The following CTNNA3 variants were observed in gnomAD, a reference collection of about 807,000 sequenced individuals.
CTNNA3 encodes catenin alpha-3.
Under a neutral mutation model 95.7 loss-of-function variants are expected in CTNNA3, and 76 were observed. The ratio of observed to expected loss-of-function variants is 0.79; its 90% CI spans 0.66 to 0.96. The LOEUF (loss-of-function observed/expected upper bound fraction) is 0.96. Ranked by LOEUF, CTNNA3 falls within the 40% of genes least tolerant of loss-of-function variation. The pLI is 0.00. For synonymous variants in CTNNA3, 431 were observed against 374.4 expected, an observed-to-expected ratio of 1.15 and a Z score of -1.74; for missense variants, 1,191 against 1,089.8, an observed-to-expected ratio of 1.09 and a Z score of -1.31.
chr10:66,954,323 A>T (rs1249670371), intron 7 of CTNNA3, among the ~76,000 whole-genome samples: 1 of 152,148 alleles, frequency 6.6e-6, no homozygotes, highest in Non-Finnish European at 1.5e-5. Flanking sequence ...GTGTCTAGTT[A>T]AACTAATTTA....
chr10:67,135,107 T>A (rs1731596878), intron 7 of CTNNA3, among the ~76,000 whole-genome samples: 1 of 151,998 alleles, frequency 6.6e-6, no homozygotes, highest in African/African-American at 2.4e-5. Flanking sequence ...GGTTGGGAGA[T>A]GAAAAACAAA....
intron 11 of CTNNA3, among the ~76,000 whole-genome samples, chr10:66,504,892 A>T (rs1840398470): frequency 6.6e-6 from 1 of 152,168 alleles, no homozygotes; most frequent in Admixed American, 6.5e-5. Context: ...TAAACAGTAT[A>T]TTTTATCATT....
At chr10:65,964,312 G>A (rs987087190) in intron 17 of CTNNA3, among the ~76,000 whole-genome samples, 4 of 152,176 alleles carry the variant, frequency 2.6e-5, no homozygotes, top group Non-Finnish European at 5.9e-5. Flanking sequence ...ATATGCAAAA[G>A]GGGGCATGCT....
intron 3 of CTNNA3, among the ~76,000 whole-genome samples, chr10:67,598,696 A>C (rs924573405): frequency 6.6e-6 from 1 of 152,130 alleles, no homozygotes; most frequent in African/African-American, 2.4e-5. Flanking sequence ...AGTTACATTT[A>C]TATGGCATTT....
intron 17 of CTNNA3, among the ~76,000 whole-genome samples, chr10:65,937,952 C>T (rs931675471): frequency 1.3e-5 from 2 of 152,040 alleles, no homozygotes; most frequent in Non-Finnish European, 2.9e-5. Context: ...ATGGACTGCC[C>T]TGTCCTATAT....
chr10:66,172,906 T>G (rs914507042), intron 13 of CTNNA3, among the ~76,000 whole-genome samples: 1 of 152,150 alleles, frequency 6.6e-6, no homozygotes, highest in African/African-American at 2.4e-5. Flanking sequence ...GGCATTATAA[T>G]AGCTGTCTTG....
chr10:66,719,462 G>A (rs1268387763), intron 9 of CTNNA3, among the ~76,000 whole-genome samples: 1 of 152,076 alleles, frequency 6.6e-6, no homozygotes, highest in African/African-American at 2.4e-5. Context: ...AAACTAATGA[G>A]CAAACAATTT....
intron 10 of CTNNA3, among the ~76,000 whole-genome samples, chr10:66,537,175 T>C (rs1371330529): frequency 6.6e-6 from 1 of 152,112 alleles, no homozygotes; most frequent in Non-Finnish European, 1.5e-5. Flanking sequence ...CAAATAGTTA[T>C]AAAAACAAGT....
chr10:65,944,848 A>G (rs934272654), intron 17 of CTNNA3, among the ~76,000 whole-genome samples: 7 of 132,634 alleles, frequency 5.3e-5, no homozygotes, highest in South Asian at 4.9e-4. Flanking sequence ...AAACAAGAAA[A>G]TATCTGTCTA....
Position 67,219,763 on chromosome 10 carries a change from A to G in CTNNA3, c.687T>C (p.Ser229=). The change falls in exon 6 of 18, where the codon TCT becomes TCC. Residue 229 remains serine, a synonymous_variant. Transcript: ENST00000433211. ...HSICSACLEH[S]DVASLKASKD... ...TGCTTGCTTTGAGGGAAGCAACATC[A>G]GAATGCTCCAAACAAGCTGAACAAA... The G allele has an allele frequency of 2.5e-6, 4 of 1,614,128 alleles. No individual in the cohort carries two copies. The highest frequency in any genetic ancestry group is 3.4e-6 in the Non-Finnish European group (4 of 1,180,008).
chr10:66,872,671 A>AAATAATAATAATAATAAT (rs35006931), intron 7 of CTNNA3, among the ~76,000 whole-genome samples: 106 of 145,554 alleles, frequency 7.3e-4, no homozygotes, highest in Middle Eastern at 3.5e-3. Context: ...CCCGTCTCAA[A>AAATAATAATAATAATAAT]AATAATAATA....
intron 6 of CTNNA3, among the ~76,000 whole-genome samples, chr10:67,207,428 T>C (rs576227236): frequency 1.3e-5 from 2 of 152,294 alleles, no homozygotes; most frequent in African/African-American, 4.8e-5. Flanking sequence ...TAGAACTTTA[T>C]AAAATAAAGA....
At chr10:67,656,180 C>T (rs1443307355) in intron 1 of CTNNA3, among the ~76,000 whole-genome samples, 1 of 152,114 alleles carries the variant, frequency 6.6e-6, no homozygotes, top group African/African-American at 2.4e-5. Flanking sequence ...ATACATACAC[C>T]TTCTACTCTC....
At chr10:67,003,409 T>C (rs911207625) in intron 7 of CTNNA3, among the ~76,000 whole-genome samples, 24 of 152,250 alleles carry the variant, frequency 1.6e-4, no homozygotes, top group Admixed American at 8.5e-4. Flanking sequence ...CCATAGTATG[T>C]TCCAAGTATT....
chr10:66,598,437 T>C (rs1219399403), intron 10 of CTNNA3, among the ~76,000 whole-genome samples: 3 of 151,946 alleles, frequency 2.0e-5, no homozygotes, highest in African/African-American at 4.8e-5. Context: ...AAAGAAATAA[T>C]TGGCATCCAA....
intron 7 of CTNNA3, among the ~76,000 whole-genome samples, chr10:66,924,097 C>G (rs1846934596): frequency 6.6e-6 from 1 of 152,174 alleles, no homozygotes; most frequent in African/African-American, 2.4e-5. Flanking sequence ...TTGAAAAGCA[C>G]ACACTCTTCC....
chr10:66,755,808 A>G (rs945258648), intron 9 of CTNNA3, among the ~76,000 whole-genome samples: 3 of 152,030 alleles, frequency 2.0e-5, no homozygotes, highest in African/African-American at 7.3e-5. Context: ...TTAACCCCCA[A>G]ATTCTCTTTA....
chr10:66,590,646 A>G (rs1330450665), intron 10 of CTNNA3, among the ~76,000 whole-genome samples: 1 of 152,138 alleles, frequency 6.6e-6, no homozygotes, highest in Non-Finnish European at 1.5e-5. Flanking sequence ...TAAAATTGCT[A>G]TGGCATTTAT....
At chr10:67,494,309 C>G (rs1424412484) in intron 5 of CTNNA3, among the ~76,000 whole-genome samples, 1 of 152,080 alleles carries the variant, frequency 6.6e-6, no homozygotes, top group Non-Finnish European at 1.5e-5. Context: ...TGGTTAAACT[C>G]CCACTGGTTT....
Sources: gnomAD v4.1 joint callset for allele counts (sites outside exome capture counted in the v4.1 genomes callset) on GRCh38, gnomAD v4.1.1 for gene constraint, MANE v1.5 for transcripts, NCBI Gene and HGNC (gene_info 2026-07-23, HGNC 2026-07-21) for gene names.